The following NCAM1 variants were observed in gnomAD, a reference collection of about 807,000 sequenced individuals.
NCAM1 encodes neural cell adhesion molecule 1.
NCAM1 carries 14 observed loss-of-function variants against 109.8 expected under a neutral mutation model. The observed-to-expected ratio is 0.13, with a 90% CI of 0.08 to 0.20. The LOEUF is 0.20. Ranked by LOEUF, NCAM1 falls within the 10% of genes least tolerant of loss-of-function variation. The pLI is 1.00. For synonymous variants in NCAM1, 418 were observed against 442.9 expected (o/e 0.94, Z 0.70); for missense variants, 774 against 1,109.9 (o/e 0.70, Z 4.30).
intron 1 of NCAM1, among the ~76,000 whole-genome samples, chr11:113,000,234 A>T (rs1273132452): frequency 6.6e-6 from 1 of 152,238 alleles, no homozygotes; most frequent in African/African-American, 2.4e-5. Context: ...AGATAACATG[A>T]TGAGTAAAAA....
rs80101837 is a variant in NCAM1 at position 113,218,997 on chromosome 11, C to T, written c.1060-2299C>T. ...CTAAATTCCAGGTTTCATTTACTTACTGACTGAGACCCGTGGATGATGATT... is the reference window on the plus strand; with the variant it reads ...CTAAATTCCAGGTTTCATTTACTTATTGACTGAGACCCGTGGATGATGATT... On this transcript the variant is annotated intron_variant, in intron 8 of 19. Transcript: ENST00000316851. 8.7e-3 allele frequency among the ~76,000 whole-genome samples: 1,332 copies of T among 152,278 alleles called. 16 individuals are homozygous for T. Among genetic ancestry groups the T allele is most frequent in the African/African-American group, 0.03 (1,237 of 41,558 alleles).
intron 1 of NCAM1, among the ~76,000 whole-genome samples, chr11:113,174,173 G>T (rs1004678444): frequency 1.3e-5 from 2 of 152,008 alleles, no homozygotes; most frequent in Non-Finnish European, 2.9e-5. Flanking sequence ...AGATTTCCTG[G>T]CAATCCTGTT....
chr11:113,099,728 A>G (rs7931461), intron 1 of NCAM1, among the ~76,000 whole-genome samples: 11,105 of 152,174 alleles, frequency 0.073, 777 homozygotes, highest in Admixed American at 0.17. Context: ...TCTCTCTGTC[A>G]CCTAGGCTGG....
intron 18 of NCAM1, among the ~76,000 whole-genome samples, 181 bp from the exon 19 acceptor site, chr11:113,271,579 G>T (rs1555125351): frequency 1.3e-5 from 2 of 152,060 alleles, no homozygotes; most frequent in Non-Finnish European, 2.9e-5. Flanking sequence ...CTGAGGCAGG[G>T]TGATTAAATC....
At chr11:113,268,284 A>G (rs1555124683) in intron 17 of NCAM1, among the ~76,000 whole-genome samples, 2 of 152,248 alleles carry the variant, frequency 1.3e-5, no homozygotes, top group Non-Finnish European at 2.9e-5. Flanking sequence ...GACCCATTCT[A>G]GCTGACGGCT....
chr11:113,263,785 A>G (rs910027608), intron 17 of NCAM1: 52 of 985,396 alleles, frequency 5.3e-5, no homozygotes, highest in Admixed American at 6.1e-5. Flanking sequence ...GACAGGTTGG[A>G]AGCATCCACT....
At chr11:112,991,853 T>G (rs1555070628) in intron 1 of NCAM1, among the ~76,000 whole-genome samples, 1 of 152,234 alleles carries the variant, frequency 6.6e-6, no homozygotes, top group South Asian at 2.1e-4. Flanking sequence ...AGGTTTCCAT[T>G]TGTTTTAATG....
chr11:113,170,016 C>G (rs537330827), intron 1 of NCAM1, among the ~76,000 whole-genome samples: 1 of 152,108 alleles, frequency 6.6e-6, no homozygotes, highest in African/African-American at 2.4e-5. Context: ...TCAAGTGTCT[C>G]GATTCCTACA....
chr11:113,178,951 A>G (rs549129494), intron 1 of NCAM1, among the ~76,000 whole-genome samples: 2 of 152,346 alleles, frequency 1.3e-5, no homozygotes, highest in South Asian at 4.1e-4. Flanking sequence ...AGAGCCCAGG[A>G]CTAGGACTTG....
intron 5 of NCAM1, 75 bp downstream of exon 5, chr11:113,206,255 C>G: frequency 1.4e-6 from 2 of 1,471,690 alleles, no homozygotes; most frequent in African/African-American, 2.9e-5. Context: ...CTTTAACTTC[C>G]TCTTGGGTCT....
At chr11:113,129,379 G>A (rs1014826672) in intron 1 of NCAM1, among the ~76,000 whole-genome samples, 21 of 152,188 alleles carry the variant, frequency 1.4e-4, no homozygotes, top group African/African-American at 2.9e-4. Context: ...GGAGCTGTAC[G>A]TCTCCACTGG....
chr11:113,261,872 C>A (rs1946011112), intron 17 of NCAM1, among the ~76,000 whole-genome samples: 1 of 152,174 alleles, frequency 6.6e-6, no homozygotes, highest in African/African-American at 2.4e-5. Flanking sequence ...CCTAGCAGCA[C>A]TGGCTTCTGT....
intron 1 of NCAM1, among the ~76,000 whole-genome samples, chr11:113,014,777 GC>G (rs1952165829): frequency 6.6e-6 from 1 of 152,206 alleles, no homozygotes; most frequent in African/African-American, 2.4e-5. Flanking sequence ...ATTCAGGCTA[GC>G]ACACAGCTGA....
chr11:113,134,724 A>T (rs1420731773), intron 1 of NCAM1, among the ~76,000 whole-genome samples: 4 of 151,860 alleles, frequency 2.6e-5, no homozygotes, highest in African/African-American at 9.7e-5. Flanking sequence ...AGTCCCCATC[A>T]CCCTCACACT....
intron 1 of NCAM1, among the ~76,000 whole-genome samples, chr11:113,128,909 GTGTGTGTGTGTGTGTGT>G (rs1941286100): frequency 9.0e-6 from 1 of 110,628 alleles, no homozygotes; most frequent in African/African-American, 4.2e-5. Context: ...TTGTGAGGGT[GTGTGTGTGTGTGTGTGT>G]GTGTGTGTGT....
At chr11:113,048,960 C>T (rs1253850645) in intron 1 of NCAM1, among the ~76,000 whole-genome samples, 12 of 152,136 alleles carry the variant, frequency 7.9e-5, no homozygotes, top group African/African-American at 2.9e-4. Flanking sequence ...GAGTATTGTT[C>T]TACGGGCTAA....
chr11:113,230,800 C>A (rs1944982844), intron 9 of NCAM1, among the ~76,000 whole-genome samples: 1 of 152,192 alleles, frequency 6.6e-6, no homozygotes. Context: ...TAGACTCTTC[C>A]TGGGCCAGCA....
chr11:113,135,114 T>G (rs1471583010), intron 1 of NCAM1, among the ~76,000 whole-genome samples: 2 of 151,988 alleles, frequency 1.3e-5, no homozygotes, highest in Non-Finnish European at 2.9e-5. Flanking sequence ...GTGGAAAGGG[T>G]GGGAGCTAAG....
intron 1 of NCAM1, among the ~76,000 whole-genome samples, chr11:112,968,449 A>G (rs1478798477): frequency 1.3e-5 from 2 of 152,220 alleles, no homozygotes; most frequent in African/African-American, 2.4e-5. Flanking sequence ...GATAAACTGG[A>G]TATATAATAC....
Sources: gnomAD v4.1 joint callset for allele counts (sites outside exome capture counted in the v4.1 genomes callset) on GRCh38, gnomAD v4.1.1 for gene constraint, MANE v1.5 for transcripts, NCBI Gene and HGNC (gene_info 2026-07-23, HGNC 2026-07-21) for gene names.